The following CADM2 variants were observed in gnomAD, a reference collection of about 807,000 sequenced individuals.
The protein encoded by CADM2 is immunoglobulin superfamily member 4D.
CADM2 carries 12 observed loss-of-function variants against 49.8 expected under a neutral mutation model. That is an observed-to-expected ratio of 0.24 (90% CI 0.15 to 0.39). The LOEUF (loss-of-function observed/expected upper bound fraction) is 0.39, where lower values mean the gene tolerates loss of function less well. Ranked by LOEUF, CADM2 falls within the 10% of genes least tolerant of loss-of-function variation. The pLI, the probability that CADM2 is intolerant of heterozygous loss-of-function variation, is 1.00. For missense variants in CADM2, 378 were observed against 492.3 expected, an observed-to-expected ratio of 0.77 and a Z score of 2.20; for synonymous variants, 214 against 175.4, an observed-to-expected ratio of 1.22 and a Z score of -1.74.
rs527772525 is a variant in CADM2, at chr3:85,001,477, C to G, written c.61+41809C>G. 5.3e-5 allele frequency among the ~76,000 whole-genome samples: 8 copies of G among 152,002 alleles called. No homozygotes were observed. The South Asian group carries it at 1.4e-3, about 28-fold the overall frequency. On this transcript the variant is annotated intron_variant, in intron 1 of 9. Transcript: ENST00000383699. ...GTAACAGTTTGCAATAACTTAAATACATGAAATTATTTTTTCAACAAAATC... is the reference window on the plus strand; with the variant it reads ...GTAACAGTTTGCAATAACTTAAATAGATGAAATTATTTTTTCAACAAAATC...
intron 6 of CADM2, among the ~76,000 whole-genome samples, chr3:85,914,577 G>A (rs181072463): frequency 1.3e-5 from 2 of 152,088 alleles, no homozygotes; most frequent in Non-Finnish European, 2.9e-5. Context: ...TGACTACTTA[G>A]TTAACGGTAA....
intron 1 of CADM2, among the ~76,000 whole-genome samples, chr3:85,159,616 G>A (rs1378899309): frequency 1.3e-5 from 2 of 152,130 alleles, no homozygotes; most frequent in East Asian, 3.9e-4. Context: ...TTGTGACAGC[G>A]ATTCTAGGGC....
intron 1 of CADM2, among the ~76,000 whole-genome samples, chr3:85,290,352 A>T (rs770697018): frequency 6.6e-6 from 1 of 152,164 alleles, no homozygotes; most frequent in African/African-American, 2.4e-5. Context: ...GGCCGCAGCA[A>T]GGCTGGGGGA....
intron 1 of CADM2, among the ~76,000 whole-genome samples, chr3:85,441,878 GA>G (rs922854903): frequency 2.6e-5 from 4 of 151,566 alleles, no homozygotes; most frequent in African/African-American, 9.7e-5. Context: ...GTGACTAGAA[GA>G]AAAAAAGATG....
intron 1 of CADM2, among the ~76,000 whole-genome samples, chr3:85,194,978 G>A (rs1287388319): frequency 6.6e-6 from 1 of 152,030 alleles, no homozygotes; most frequent in African/African-American, 2.4e-5. Flanking sequence ...GAGTGGCTAA[G>A]ACTACAGGTG....
intron 2 of CADM2, among the ~76,000 whole-genome samples, chr3:85,767,621 T>G (rs1318165347): frequency 2.0e-5 from 3 of 152,072 alleles, no homozygotes; most frequent in Admixed American, 6.6e-5. Context: ...GTCATGAGAG[T>G]GCTGCCACCT....
intron 3 of CADM2, among the ~76,000 whole-genome samples, chr3:85,851,501 A>T (rs971876937): frequency 6.6e-6 from 1 of 151,964 alleles, no homozygotes; most frequent in South Asian, 2.1e-4. Flanking sequence ...ATCACTTTTT[A>T]AAATACAAAG....
At chr3:85,098,705 C>T (rs996537340) in intron 1 of CADM2, among the ~76,000 whole-genome samples, 1 of 152,156 alleles carries the variant, frequency 6.6e-6, no homozygotes, top group Non-Finnish European at 1.5e-5. Flanking sequence ...CAAATATGTG[C>T]ATACAGAAGT....
At chr3:85,237,202 A>G (rs1427566580) in intron 1 of CADM2, among the ~76,000 whole-genome samples, 2 of 152,120 alleles carry the variant, frequency 1.3e-5, no homozygotes, top group East Asian at 3.9e-4. Flanking sequence ...GACAGATAAT[A>G]GGAGGGACAG....
At chr3:84,999,919 G>C (rs557489184) in intron 1 of CADM2, among the ~76,000 whole-genome samples, 112 of 152,226 alleles carry the variant, frequency 7.4e-4, no homozygotes, top group African/African-American at 2.6e-3. Context: ...TAATTTTAGA[G>C]TTGGATGAGA....
At chr3:85,405,452 C>T (rs1043585868) in intron 1 of CADM2, among the ~76,000 whole-genome samples, 12 of 152,202 alleles carry the variant, frequency 7.9e-5, no homozygotes, top group African/African-American at 2.4e-4. Flanking sequence ...CCGTCAGTGG[C>T]GGAAAAACAA....
chr3:85,135,135 A>T (rs1417736944), intron 1 of CADM2, among the ~76,000 whole-genome samples: 2 of 152,030 alleles, frequency 1.3e-5, no homozygotes, highest in Non-Finnish European at 2.9e-5. Flanking sequence ...AGATTATAAT[A>T]TATTAGTTGC....
intron 8 of CADM2, among the ~76,000 whole-genome samples, chr3:86,017,921 C>T (rs1400378721): frequency 6.9e-6 from 1 of 144,104 alleles, no homozygotes; most frequent in Non-Finnish European, 1.5e-5. Context: ...TACATGTGCA[C>T]ATTGTGCAGG....
chr3:85,872,577 A>G (rs2075971453), intron 3 of CADM2, among the ~76,000 whole-genome samples: 1 of 151,718 alleles, frequency 6.6e-6, no homozygotes, highest in African/African-American at 2.4e-5. Flanking sequence ...TGCAACTTCA[A>G]TAATTTTAAT....
intron 1 of CADM2, among the ~76,000 whole-genome samples, chr3:85,465,526 C>T (rs1015758827): frequency 1.3e-5 from 2 of 152,106 alleles, no homozygotes; most frequent in Non-Finnish European, 1.5e-5. Flanking sequence ...CATCATGTCA[C>T]TATTTTTGTG....
At chr3:85,663,400 TTTCTC>T (rs1577043247) in intron 1 of CADM2, among the ~76,000 whole-genome samples, 1 of 152,006 alleles carries the variant, frequency 6.6e-6, no homozygotes, top group East Asian at 1.9e-4. Context: ...TATTCTCTCT[TTTCTC>T]TTCACCTTCC....
intron 2 of CADM2, 112 bp downstream of exon 2, chr3:85,726,660 T>C (rs1450020716): frequency 1.7e-5 from 12 of 686,500 alleles, no homozygotes; most frequent in Non-Finnish European, 3.0e-5. Context: ...TATTTCAGTG[T>C]ATAGATATTG....
At chr3:85,534,975 C>A (rs1343554725) in intron 1 of CADM2, among the ~76,000 whole-genome samples, 1 of 152,078 alleles carries the variant, frequency 6.6e-6, no homozygotes, top group African/African-American at 2.4e-5. Flanking sequence ...ATTACAGCCA[C>A]AAAATGTATC....
At chr3:85,547,546 C>A (rs1188958881) in intron 1 of CADM2, among the ~76,000 whole-genome samples, 3 of 152,266 alleles carry the variant, frequency 2.0e-5, no homozygotes, top group Non-Finnish European at 4.4e-5. Context: ...CTGTCAACTA[C>A]AAAACTACCC....
Sources: allele counts gnomAD v4.1 joint callset (sites outside exome capture counted in the v4.1 genomes callset), GRCh38; gene constraint gnomAD v4.1.1; transcripts MANE v1.5; gene names NCBI Gene and HGNC (gene_info 2026-07-23, HGNC 2026-07-21).